Variants in EVI5 observed in about 807,000 individuals in gnomAD.
The protein encoded by EVI5 is ecotropic viral integration site 5 protein homolog.
Under a neutral mutation model 112.0 loss-of-function variants are expected in EVI5, and 73 were observed. That is an observed-to-expected ratio of 0.65 (90% confidence interval 0.54 to 0.79). The LOEUF is 0.79. Ranked by LOEUF, EVI5 falls within the 30% of genes least tolerant of loss-of-function variation. The pLI is 0.00. For missense variants in EVI5, 900 were observed against 968.8 expected, an observed-to-expected ratio of 0.93 and a Z score of 0.94; for synonymous variants, 305 against 319.9, an observed-to-expected ratio of 0.95 and a Z score of 0.50.
intron 1 of EVI5, among the ~76,000 whole-genome samples, chr1:92,765,081 A>C (rs1057320717): frequency 1.3e-5 from 2 of 152,164 alleles, no homozygotes; most frequent in African/African-American, 4.8e-5. Flanking sequence ...AACATGAGAA[A>C]ACTGTCATAT....
chr1:92,648,496 TA>T (rs1661440016), intron 13 of EVI5, among the ~76,000 whole-genome samples: 1 of 152,180 alleles, frequency 6.6e-6, no homozygotes, highest in South Asian at 2.1e-4. Flanking sequence ...TCCATCATTC[TA>T]AAGTAAAACC....
chr1:92,744,682 T>C (rs1679005343), intron 1 of EVI5, among the ~76,000 whole-genome samples: 1 of 151,916 alleles, frequency 6.6e-6, no homozygotes, highest in Non-Finnish European at 1.5e-5. Context: ...TGGTGGTTTC[T>C]AGAGTGGCTC....
At chr1:92,605,174 A>G (rs1418567515) in intron 18 of EVI5, 133 bp downstream of exon 18, 2 of 599,310 alleles carry the variant, frequency 3.3e-6, no homozygotes, top group Non-Finnish European at 5.8e-6. Flanking sequence ...TTACCACAAT[A>G]AAAAAAAATT....
Position 92,636,228 on chromosome 1 carries a change from G to T in EVI5, c.1501C>A (p.Gln501Lys), listed in dbSNP as rs1212795682. 1.2e-6 allele frequency: 2 copies of T among 1,613,056 alleles called. No individual in the cohort carries two copies. The highest frequency in any genetic ancestry group is 1.7e-6 in the Non-Finnish European group (2 of 1,179,514). Residue 501 changes from glutamine to lysine, a missense_variant, in exon 14 of 20, where the codon CAG (glutamine) becomes AAG (lysine). Gln to Lys is a moderately conservative substitution (Grantham distance 53). Coordinates refer to ENST00000684568, the MANE Select transcript of EVI5 (RefSeq NM_001350197.2). ...AESQCALKEM[Q>K]DKVLDIEKRN... The stretch of plus-strand genomic sequence containing the variant: ...TTCTCTATATCCAAGACTTTATCCT[G>T]CATCTCTTTTAATGCACACTGAGAC...
chr1:92,547,519 A>G (rs979892590), intron 19 of EVI5, among the ~76,000 whole-genome samples: 4 of 152,178 alleles, frequency 2.6e-5, no homozygotes, highest in African/African-American at 9.6e-5. Context: ...TGAAGGAGAT[A>G]GAGACACAAA....
intron 16 of EVI5, among the ~76,000 whole-genome samples, chr1:92,619,911 T>C (rs1654143965): frequency 1.3e-5 from 2 of 151,942 alleles, no homozygotes; most frequent in Admixed American, 6.5e-5. Context: ...TTTTAGTCAA[T>C]GGAAACTGAA....
upstream of EVI5, among the ~76,000 whole-genome samples, chr1:92,786,235 GAAAAA>G (rs33914637): frequency 7.2e-6 from 1 of 139,802 alleles, no homozygotes; most frequent in Non-Finnish European, 1.6e-5. Context: ...AAGCATTTCA[GAAAAA>G]AAAAAAAAAA....
intron 19 of EVI5, among the ~76,000 whole-genome samples, chr1:92,536,495 C>G (rs552423413): frequency 6.6e-6 from 1 of 152,132 alleles, no homozygotes; most frequent in Non-Finnish European, 1.5e-5. Flanking sequence ...AGCTATTCCA[C>G]GCAAGTTATC....
chr1:92,598,658 A>C (rs1648468024), intron 18 of EVI5, among the ~76,000 whole-genome samples: 1 of 152,172 alleles, frequency 6.6e-6, no homozygotes, highest in East Asian at 1.9e-4. Context: ...TCAACTCCTT[A>C]ATTTTACAGG....
Position 92,695,363 on chromosome 1 carries a change from TAAGA to T in EVI5, c.852_855del (p.Phe284LeufsTer21). The T allele has an allele frequency of 6.2e-7, 1 of 1,609,336 alleles. No homozygotes were observed. Among genetic ancestry groups the T allele is most frequent in the East Asian group, 2.2e-5 (1 of 44,820 alleles). Reference sequence around the variant, plus strand: ...GTTGCAATTGGTAGTGGAAAAGTTGTAAGAAAGATAGTCAGAAACCAGGATGATG... The same window carrying T: ...GTTGCAATTGGTAGTGGAAAAGTTGTAAGATAGTCAGAAACCAGGATGATG... On this transcript the variant is annotated frameshift_variant, in exon 7 of 20. Coordinates refer to ENST00000684568, the MANE Select transcript of EVI5 (RefSeq NM_001350197.2). LOFTEE classifies it high-confidence loss of function.
intron 19 of EVI5, among the ~76,000 whole-genome samples, chr1:92,549,082 A>G (rs1666319259): frequency 4.0e-5 from 6 of 151,194 alleles, no homozygotes; most frequent in Admixed American, 2.0e-4. Flanking sequence ...GCATCACGCT[A>G]CCTGACTTCA....
intron 9 of EVI5, among the ~76,000 whole-genome samples, chr1:92,686,911 C>A (rs1227117543): frequency 2.6e-5 from 4 of 152,204 alleles, no homozygotes; most frequent in Non-Finnish European, 5.9e-5. Context: ...AACGGAAGAA[C>A]ATTCCATGCT....
At chr1:92,760,658 C>A (rs1681687727) in intron 1 of EVI5, among the ~76,000 whole-genome samples, 1 of 151,188 alleles carries the variant, frequency 6.6e-6, no homozygotes, top group African/African-American at 2.4e-5. Flanking sequence ...TGCTTGAACC[C>A]AGGAGGCGGA....
intron 19 of EVI5, among the ~76,000 whole-genome samples, chr1:92,539,346 T>C (rs962606402): frequency 6.6e-6 from 1 of 151,954 alleles, no homozygotes; most frequent in Non-Finnish European, 1.5e-5. Context: ...ATGGAGACCA[T>C]CCTGGCTAAC....
chr1:92,594,207 C>T (rs553758774), intron 18 of EVI5, among the ~76,000 whole-genome samples: 6 of 152,056 alleles, frequency 3.9e-5, no homozygotes, highest in Admixed American at 3.9e-4. Flanking sequence ...GGTACTGGTA[C>T]CAAAACAGAG....
intron 18 of EVI5, among the ~76,000 whole-genome samples, chr1:92,593,934 TG>T (rs750836248): frequency 5.3e-5 from 8 of 152,176 alleles, no homozygotes; most frequent in Non-Finnish European, 1.0e-4. Flanking sequence ...CACAAACAAA[TG>T]GAAAAACATT....
chr1:92,651,481 A>C (rs1379974654), intron 13 of EVI5, among the ~76,000 whole-genome samples: 1 of 152,230 alleles, frequency 6.6e-6, no homozygotes. Context: ...CCACAATGAG[A>C]TACTACCCCA....
At chr1:92,767,757 A>T (rs964711223) in intron 1 of EVI5, among the ~76,000 whole-genome samples, 1 of 152,178 alleles carries the variant, frequency 6.6e-6, no homozygotes, top group Non-Finnish European at 1.5e-5. Context: ...CTGTTGTAAC[A>T]TTCCAGGAAA....
At chr1:92,769,290 G>T (rs2103031492) in intron 1 of EVI5, among the ~76,000 whole-genome samples, 1 of 152,198 alleles carries the variant, frequency 6.6e-6, no homozygotes, top group East Asian at 1.9e-4. Flanking sequence ...TAACAATATG[G>T]TATATATTCA....
Sources: allele counts gnomAD v4.1 joint callset (sites outside exome capture counted in the v4.1 genomes callset), GRCh38; gene constraint gnomAD v4.1.1; transcripts MANE v1.5; gene names NCBI Gene and HGNC (gene_info 2026-07-23, HGNC 2026-07-21).